Variants in CATSPERT observed in about 807,000 individuals in gnomAD.
CATSPERT encodes the protein cation channel sperm-associated targeting subunit tau.
chr2:201,520,778 A>G, the CATSPERT span, among the ~76,000 whole-genome samples: 39 of 152,076 alleles, frequency 2.6e-4, no homozygotes, highest in African/African-American at 8.9e-4. Context: ...AATCCAAGCT[A>G]CTAGGGAGGC....
At chr2:201,565,723 TTTTA>T in the CATSPERT span, 5 of 1,527,698 alleles carry the variant, frequency 3.3e-6, no homozygotes, top group South Asian at 1.3e-5. Flanking sequence ...TTTTTTTTTT[TTTTA>T]CCTTTCCCGG....
At chr2:201,565,705 ATTTTTTTT>A in the CATSPERT span, 1 of 1,344,872 alleles carries the variant, frequency 7.4e-7, no homozygotes, top group Non-Finnish European at 9.7e-7. Context: ...GCTCTTTTGA[ATTTTTTTT>A]TTTTTTTTTT....
chr2:201,493,473 A>T, the CATSPERT span: 1 of 1,536,852 alleles, frequency 6.5e-7, no homozygotes. Context: ...CCAGCAAAGA[A>T]CTCTTATGGT....
the CATSPERT span, among the ~76,000 whole-genome samples, chr2:201,568,034 C>A: frequency 1.3e-5 from 2 of 152,140 alleles, no homozygotes; most frequent in African/African-American, 4.8e-5. Context: ...TCCAAAGAGG[C>A]CCAGCTGTGG....
the CATSPERT span, among the ~76,000 whole-genome samples, chr2:201,610,277 A>AC: frequency 1.3e-5 from 2 of 151,876 alleles, no homozygotes; most frequent in African/African-American, 2.4e-5. Context: ...ACACAGTGAA[A>AC]CCCCGTCTCT....
At chr2:201,582,923 G>T in the CATSPERT span, among the ~76,000 whole-genome samples, 1 of 152,066 alleles carries the variant, frequency 6.6e-6, no homozygotes, top group Non-Finnish European at 1.5e-5. Flanking sequence ...CTTCCCCCAA[G>T]AAATGAGAAA....
At chr2:201,534,379 G>A in the CATSPERT span, 1 of 976,044 alleles carries the variant, frequency 1.0e-6, no homozygotes, top group Non-Finnish European at 1.2e-6. Context: ...TTGTTATACA[G>A]CAATAAATAA....
the CATSPERT span, among the ~76,000 whole-genome samples, chr2:201,511,444 T>C: frequency 6.6e-6 from 1 of 152,190 alleles, no homozygotes; most frequent in African/African-American, 2.4e-5. Flanking sequence ...TATAGGACCA[T>C]GGAAGAATCT....
chr2:201,555,905 A>G, the CATSPERT span: 1 of 152,186 alleles, frequency 6.6e-6, no homozygotes, highest in Non-Finnish European at 1.5e-5. Context: ...TTCCCTCTGC[A>G]TATTAATTAC....
the CATSPERT span, among the ~76,000 whole-genome samples, chr2:201,506,845 G>A: frequency 6.6e-6 from 1 of 152,136 alleles, no homozygotes; most frequent in Non-Finnish European, 1.5e-5. Context: ...GAGCCACCGC[G>A]CCCAGCCCAA....
At chr2:201,585,772 T>C in the CATSPERT span, among the ~76,000 whole-genome samples, 3 of 152,202 alleles carry the variant, frequency 2.0e-5, no homozygotes, top group Non-Finnish European at 4.4e-5. Context: ...ATTTCTATGA[T>C]AGCCATTTTT....
the CATSPERT span, among the ~76,000 whole-genome samples, chr2:201,512,873 G>T: frequency 8.4e-5 from 12 of 142,880 alleles, no homozygotes; most frequent in African/African-American, 2.8e-4. Flanking sequence ...AGGCAAGATG[G>T]TTTACTAGGA....
At chr2:201,535,795 G>C in the CATSPERT span, 1 of 1,361,886 alleles carries the variant, frequency 7.3e-7, no homozygotes, top group Non-Finnish European at 9.4e-7. Flanking sequence ...AGATTATTTT[G>C]TCTCCCTAGT....
the CATSPERT span, among the ~76,000 whole-genome samples, chr2:201,501,471 T>C: frequency 1.5e-4 from 23 of 149,704 alleles, no homozygotes; most frequent in African/African-American, 5.6e-4. Flanking sequence ...TATGTATACA[T>C]TCCTTAATGC....
chr2:201,495,872 G>A, the CATSPERT span: 2 of 1,457,928 alleles, frequency 1.4e-6, no homozygotes, highest in East Asian at 2.3e-5. Flanking sequence ...AATGATACTG[G>A]GATAGAATAA....
At chr2:201,588,745 T>C in the CATSPERT span, among the ~76,000 whole-genome samples, 1 of 151,798 alleles carries the variant, frequency 6.6e-6, no homozygotes, top group African/African-American at 2.4e-5. Flanking sequence ...AACATAGCAT[T>C]GGAAATCCTG....
chr2:201,490,404 A>T, the CATSPERT span, among the ~76,000 whole-genome samples: 1 of 152,234 alleles, frequency 6.6e-6, no homozygotes, highest in Non-Finnish European at 1.5e-5. Flanking sequence ...AGTTGTAGTT[A>T]TATCTCTATG....
the CATSPERT span, among the ~76,000 whole-genome samples, chr2:201,496,620 G>C: frequency 2.6e-5 from 4 of 152,210 alleles, no homozygotes; most frequent in African/African-American, 4.8e-5. Context: ...TGGGATTACA[G>C]GCGTGAGCCA....
the CATSPERT span, among the ~76,000 whole-genome samples, chr2:201,566,729 A>ATATCCTT: frequency 6.6e-6 from 1 of 152,248 alleles, no homozygotes; most frequent in Non-Finnish European, 1.5e-5. Flanking sequence ...CAGTATTGGG[A>ATATCCTT]TGGCTGGGTC....
Sources: allele counts gnomAD v4.1 joint callset (sites outside exome capture counted in the v4.1 genomes callset), GRCh38; gene constraint gnomAD v4.1.1; transcripts MANE v1.5; gene names NCBI Gene and HGNC (gene_info 2026-07-23, HGNC 2026-07-21).